Variants in GLB1L2 observed in about 807,000 individuals in gnomAD.
GLB1L2 encodes beta-galactosidase-1-like protein 2.
Under a neutral mutation model 84.1 loss-of-function variants are expected in GLB1L2, and 68 were observed. The ratio of observed to expected loss-of-function variants is 0.81; its 90% confidence interval spans 0.67 to 0.99. GLB1L2 has a LOEUF of 0.99. Ranked by LOEUF, GLB1L2 falls within the 50% of genes least tolerant of loss-of-function variation. GLB1L2 has a pLI of 0.00. For synonymous variants in GLB1L2, 290 were observed against 318.0 expected (o/e 0.91, Z 0.94); for missense variants, 762 against 805.6 (o/e 0.95, Z 0.66).
chr11:134,348,715 C>G (rs969247498), intron 5 of GLB1L2, among the ~76,000 whole-genome samples: 1 of 152,186 alleles, frequency 6.6e-6, no homozygotes, highest in African/African-American at 2.4e-5. Context: ...CAGGCTGCCA[C>G]AACCAAACAC....
intron 5 of GLB1L2, among the ~76,000 whole-genome samples, chr11:134,353,420 A>G (rs1190327191): frequency 6.6e-6 from 1 of 152,186 alleles, no homozygotes; most frequent in Non-Finnish European, 1.5e-5. Flanking sequence ...TTTTTAAAAA[A>G]GAAAAATTTA....
At position 134,368,786 on chromosome 11, in the gene GLB1L2, G is replaced by C; in HGVS notation, c.1027+5G>C. 6.2e-7 allele frequency: 1 copy of C among 1,613,338 alleles called. No individual in the cohort carries two copies. The highest frequency in any genetic ancestry group is 8.5e-7 in the Non-Finnish European group (1 of 1,179,856). On this transcript the variant is annotated splice_donor_5th_base_variant and intron_variant, in intron 10 of 18. Transcript: ENST00000535456. Reference sequence around the variant, plus strand: ...AGTCAGATGTCACCAGCTATGGCAAGTATTCATCAGCACTGCTCTCCCTGG... The same window carrying C: ...AGTCAGATGTCACCAGCTATGGCAACTATTCATCAGCACTGCTCTCCCTGG...
chr11:134,372,463 C>CAT (rs1943969173), intron 15 of GLB1L2: 1 of 152,128 alleles, frequency 6.6e-6, no homozygotes, highest in Non-Finnish European at 1.5e-5. Flanking sequence ...CGGCTCACTG[C>CAT]ATGCTCCACC....
At chr11:134,366,916 A>G (rs553151088) in intron 8 of GLB1L2, 5 of 341,780 alleles carry the variant, frequency 1.5e-5, no homozygotes, top group South Asian at 1.3e-4. Context: ...TGGGTAAAAC[A>G]TCCCCCTTCC....
chr11:134,367,377 C>T, intron 9 of GLB1L2, 36 bp downstream of exon 9: 5 of 1,552,760 alleles, frequency 3.2e-6, no homozygotes, highest in Non-Finnish European at 4.4e-6. Flanking sequence ...AGAATGTGTG[C>T]TACTTAAGAA....
rs200411929 is a variant in GLB1L2 at position 134,367,228 on chromosome 11, T to G, written c.805-29T>G. ...CCTCTTTTTTGTCTGGCCAGCCTGCTTGTCTAACTCTCATTTTGTGGTGTC... is the reference window on the plus strand; with the variant it reads ...CCTCTTTTTTGTCTGGCCAGCCTGCGTGTCTAACTCTCATTTTGTGGTGTC... On this transcript the variant is annotated intron_variant, in intron 8 of 18. Transcript: ENST00000535456. The G allele has an allele frequency of 4.7e-5, 75 of 1,593,176 alleles. No homozygotes were observed. The East Asian group carries it at 1.6e-3, about 35-fold the overall frequency.
rs1943936655 is a variant in GLB1L2 at position 134,370,483 on chromosome 11, C to T, written c.1215+84C>T. The T allele has an allele frequency of 2.8e-6, 3 of 1,083,814 alleles. No individual in the cohort carries two copies. Among genetic ancestry groups the T allele is most frequent in the South Asian group, 1.3e-5 (1 of 78,658 alleles). The allele number at this position is 1,083,814 out of a possible 1,614,324, so 67.1% of individuals were successfully genotyped here. A position where few individuals can be genotyped will look rare whatever the true frequency, so the allele number is the denominator to read the frequency against. On this transcript the variant is annotated intron_variant, in intron 12 of 18. Transcript: ENST00000535456. This position sits in a 1 kb window ranked among gnomAD's most constrained non-coding sequence, Gnocchi z 4.7. ...GGAGGTGAGTGCTGGGGGCAGTCGT[C>T]GGCGGGAGGTGAGAGTCGTCGGGGC...
intron 8 of GLB1L2, among the ~76,000 whole-genome samples, chr11:134,366,214 T>C (rs1943866012): frequency 6.6e-6 from 1 of 152,254 alleles, no homozygotes. Context: ...ACTTTGAATC[T>C]GCTTCTCCCT....
At chr11:134,345,469 CCTGT>C (rs1943540812) in intron 4 of GLB1L2, among the ~76,000 whole-genome samples, 1 of 152,174 alleles carries the variant, frequency 6.6e-6, no homozygotes, top group African/African-American at 2.4e-5. Context: ...TCCGACCTTC[CCTGT>C]CTGTTTCTTT....
Position 134,373,680 on chromosome 11 carries a change from C to T in GLB1L2, c.1508-41C>T, listed in dbSNP as rs767810008. ...GGCCCCGGCCCAGCTGACTCGGCCC[C>T]TGCCTTTGGGCTACCCACGTGTCCT... On this transcript the variant is annotated intron_variant, in intron 15 of 18. Transcript: ENST00000535456. 16 of 1,405,728 alleles carry T rather than the reference C, an allele frequency of 1.1e-5. 1 individual carries two copies. The highest frequency in any genetic ancestry group is 3.0e-6 in the Non-Finnish European group (3 of 999,258). The allele number at this position is 1,405,728 out of a possible 1,614,324, so 87.1% of individuals were successfully genotyped here.
rs1480284386 is a variant in GLB1L2 at position 134,332,207 on chromosome 11, C to G, written c.86+60C>G. ...CCACATTCCCCAGCCCTCCGCACCT[C>G]GGGTTCTCTCCTCCCGCGACCCGCG... On this transcript the variant is annotated intron_variant, in intron 1 of 18. Transcript: ENST00000535456. 20 of 1,232,386 alleles carry G rather than the reference C, an allele frequency of 1.6e-5. No individual in the cohort carries two copies. In the African/African-American group the frequency reaches 2.3e-4, roughly 14 times the overall value. The allele number at this position is 1,232,386 out of a possible 1,614,324, so 76.3% of individuals were successfully genotyped here. A position where few individuals can be genotyped will look rare whatever the true frequency, so the allele number is the denominator to read the frequency against.
chr11:134,338,708 A>G lies in GLB1L2; in HGVS notation c.87-4046A>G, dbSNP rs1170853080. ...CATTGCAACCAATTTTTGTGTCTGC[A>G]GCTTGCCCAGCCTTCAGCACGAATA... On this transcript the variant is annotated intron_variant, in intron 1 of 18. Coordinates refer to ENST00000535456, the MANE Select transcript of GLB1L2 (RefSeq NM_001370461.1). This position sits in a 1 kb window ranked among gnomAD's most constrained non-coding sequence, Gnocchi z 6.2. Among the ~76,000 whole-genome samples the G allele has an allele frequency of 6.6e-6, 1 of 152,228 alleles. No individual in the cohort carries two copies. Among genetic ancestry groups the G allele is most frequent in the Non-Finnish European group, 1.5e-5 (1 of 68,032 alleles).
intron 9 of GLB1L2, among the ~76,000 whole-genome samples, 155 bp downstream of exon 9, chr11:134,367,496 G>A (rs1943881432): frequency 6.6e-6 from 1 of 152,206 alleles, no homozygotes; most frequent in African/African-American, 2.4e-5. Context: ...TGAGTCATTT[G>A]TCTTGACACT....
intron 11 of GLB1L2, 45 bp downstream of exon 11, chr11:134,369,930 T>C (rs567930344): frequency 6.5e-7 from 1 of 1,536,622 alleles, no homozygotes; most frequent in Admixed American, 1.7e-5. Flanking sequence ...AGGCCCTCGC[T>C]TCTGCTCTCA....
At position 134,367,306 on chromosome 11, in the gene GLB1L2, C is replaced by A; in HGVS notation, c.854C>A (p.Ser285Ter). ...VMEYWTGWFDSWGGPHNILDS... is the reference protein window; with the variant it reads ...VMEYWTGWFD ...GAGTACTGGACGGGGTGGTTTGACTCGTGGGGAGGCCCTCACAATATCTTG... is the reference window on the plus strand; with the variant it reads ...GAGTACTGGACGGGGTGGTTTGACTAGTGGGGAGGCCCTCACAATATCTTG... The change falls in exon 9 of 19, where the codon TCG becomes TAG. Residue 285 changes from serine (S) to a stop codon, truncating the protein, a stop_gained. Transcript: ENST00000535456. LOFTEE classifies it high-confidence loss of function. The A allele has an allele frequency of 6.2e-7, 1 of 1,614,030 alleles. No individual in the cohort carries two copies. The highest frequency in any genetic ancestry group is 8.5e-7 in the Non-Finnish European group (1 of 1,179,984).
Position 134,345,036 on chromosome 11 carries a change from C to A in GLB1L2, c.356C>A (p.Ala119Asp), listed in dbSNP as rs1943533073. 6.2e-7 allele frequency: 1 copy of A among 1,612,066 alleles called. No homozygotes were observed. The highest frequency in any genetic ancestry group is 8.5e-7 in the Non-Finnish European group (1 of 1,179,208). ...GCTGACGATGTGGACCTCCCTAGGGCCTTCGTCCTGATGGCCGCAGAGATC... is the reference window on the plus strand; with the variant it reads ...GCTGACGATGTGGACCTCCCTAGGGACTTCGTCCTGATGGCCGCAGAGATC... ...FDFSGNLDLEAFVLMAAEIGL... is the reference protein window; with the variant it reads ...FDFSGNLDLEDFVLMAAEIGL... The change falls in exon 4 of 19, where the codon GCC (alanine) becomes GAC (aspartate). Residue 119 changes from alanine (A) to aspartate (D), a missense_variant and splice_region_variant. Physicochemically the swap from Ala to Asp is moderately radical, Grantham distance 126. Transcript: ENST00000535456.
rs1156991354 is a variant in GLB1L2 at position 134,342,630 on chromosome 11, T to G, written c.87-124T>G. ...GGTCTGGCTGAGGCGGAGGGGAGCTTTTCCCAGCCACCTGGACGCAGGCGC... is the reference window on the plus strand; with the variant it reads ...GGTCTGGCTGAGGCGGAGGGGAGCTGTTCCCAGCCACCTGGACGCAGGCGC... On this transcript the variant is annotated intron_variant, in intron 1 of 18. Transcript: ENST00000535456. 4.1e-6 allele frequency: 4 copies of G among 983,962 alleles called. No individual in the cohort carries two copies. The African/African-American group carries it at 6.5e-5, about 16-fold the overall frequency. The allele number at this position is 983,962 out of a possible 1,614,324, so 61.0% of individuals were successfully genotyped here.
At chr11:134,367,226 G>A in intron 8 of GLB1L2, 31 bp from the exon 9 acceptor site, 2 of 1,587,028 alleles carry the variant, frequency 1.3e-6, no homozygotes, top group Non-Finnish European at 8.7e-7. Context: ...TGGCCAGCCT[G>A]CTTGTCTAAC....
At position 134,370,469 on chromosome 11, in the gene GLB1L2, C is replaced by A; in HGVS notation, c.1215+70C>A. 1 of 1,247,644 alleles carries A rather than the reference C, an allele frequency of 8.0e-7. No individual in the cohort carries two copies. The highest frequency in any genetic ancestry group is 1.2e-6 in the Non-Finnish European group (1 of 856,682). 77.3% of individuals were successfully genotyped at this position (1,247,644 alleles called of 1,614,324 possible). The stretch of plus-strand genomic sequence containing the variant: ...GCAGTCGTTGGCAGGGAGGTGAGTG[C>A]TGGGGGCAGTCGTCGGCGGGAGGTG... On this transcript the variant is annotated intron_variant, in intron 12 of 18. Coordinates refer to ENST00000535456, the MANE Select transcript of GLB1L2 (RefSeq NM_001370461.1). This position sits in a 1 kb window ranked among gnomAD's most constrained non-coding sequence, Gnocchi z 4.7.
Sources: gnomAD v4.1 joint callset for allele counts (sites outside exome capture counted in the v4.1 genomes callset) on GRCh38, gnomAD v4.1.1 for gene constraint, Gnocchi (gnomAD v3.1) non-coding constraint, MANE v1.5 for transcripts, NCBI Gene and HGNC (gene_info 2026-07-23, HGNC 2026-07-21) for gene names.